The following TRPM2 variants were observed in gnomAD, a reference collection of about 807,000 sequenced individuals.
TRPM2 encodes the protein estrogen-responsive element-associated gene 1 protein.
In TRPM2, 161 loss-of-function variants were observed where a neutral mutation model predicts 174.0. The ratio of observed to expected loss-of-function variants is 0.93; its 90% CI spans 0.81 to 1.05. TRPM2 has a LOEUF of 1.05. Ranked by LOEUF, TRPM2 falls within the 50% of genes least tolerant of loss-of-function variation. The pLI, the probability that TRPM2 is intolerant of heterozygous loss-of-function variation, is 0.00. For synonymous variants in TRPM2, 954 were observed against 861.3 expected (o/e 1.11, Z -1.88); for missense variants, 2,057 against 2,038.0 (o/e 1.01, Z -0.18).
upstream of TRPM2, among the ~76,000 whole-genome samples, chr21:44,351,464 G>A (rs141837809): frequency 2.1e-3 from 316 of 152,352 alleles, 4 homozygotes; most frequent in African/African-American, 7.2e-3. Context: ...CCTGCTTCAT[G>A]CATCTGTCTT....
chr21:44,378,118 A>G (rs1303112679), intron 7 of TRPM2, among the ~76,000 whole-genome samples: 4 of 152,188 alleles, frequency 2.6e-5, no homozygotes, highest in Non-Finnish European at 5.9e-5. Flanking sequence ...TCTGCCCCCA[A>G]GATTCCTCCA....
chr21:44,423,535 T>C (rs1338303433), intron 22 of TRPM2, 110 bp from the exon 23 acceptor site: 2 of 886,794 alleles, frequency 2.3e-6, no homozygotes, highest in Non-Finnish European at 3.6e-6. Flanking sequence ...AAGCAAAGGC[T>C]GACACAGGGC....
In TRPM2 at chr21:44,354,815, C is replaced by A; in HGVS notation, c.254+79C>A. 7.8e-7 allele frequency: 1 copy of A among 1,278,734 alleles called. No individual in the cohort carries two copies. The highest frequency in any genetic ancestry group is 1.7e-5 in the Admixed American group (1 of 59,190). The allele number at this position is 1,278,734 out of a possible 1,614,324, so 79.2% of individuals were successfully genotyped here. On this transcript the variant is annotated intron_variant, in intron 2 of 31. Transcript: ENST00000397928. This position sits in a 1 kb window ranked among gnomAD's most constrained non-coding sequence, Gnocchi z 4.3. Reference sequence around the variant, plus strand: ...ATGGAGTAGCTGATCAGGCCAAGACCCCTCAGGGCCTCAGTGAAGGGTCAC... The same window carrying A: ...ATGGAGTAGCTGATCAGGCCAAGACACCTCAGGGCCTCAGTGAAGGGTCAC...
chr21:44,423,582 G>T, intron 22 of TRPM2, 63 bp from the exon 23 acceptor site: 1 of 1,399,568 alleles, frequency 7.1e-7, no homozygotes. Context: ...TCTGCAGAGC[G>T]GTGTGGCGTT....
chr21:44,407,903 T>TA (rs1449523294), intron 19 of TRPM2, among the ~76,000 whole-genome samples: 1 of 151,554 alleles, frequency 6.6e-6, no homozygotes, highest in African/African-American at 2.4e-5. Context: ...ATTTTTTAAT[T>TA]AAAAAATTTT....
intron 19 of TRPM2, among the ~76,000 whole-genome samples, chr21:44,412,890 A>G (rs1490110951): frequency 6.6e-6 from 1 of 152,116 alleles, no homozygotes; most frequent in Non-Finnish European, 1.5e-5. Flanking sequence ...GAAAATTAGT[A>G]ACACATTCAA....
chr21:44,406,114 G>C, intron 18 of TRPM2, 77 bp downstream of exon 18: 2 of 1,566,294 alleles, frequency 1.3e-6, no homozygotes, highest in Non-Finnish European at 1.7e-6. Context: ...CCCCTTGCCA[G>C]TGGCTCGGAC....
At chr21:44,412,240 G>A (rs2050131652) in intron 19 of TRPM2, among the ~76,000 whole-genome samples, 1 of 152,100 alleles carries the variant, frequency 6.6e-6, no homozygotes, top group Admixed American at 6.6e-5. Flanking sequence ...TTCTTTGTGT[G>A]ATGTTTTTAA....
intron 23 of TRPM2, 47 bp downstream of exon 23, chr21:44,423,779 C>A: frequency 1.3e-6 from 2 of 1,494,512 alleles, no homozygotes. Context: ...ACTGCTGGGC[C>A]TGGTGGGCGG....
At chr21:44,430,553 C>T (rs1423097193) in intron 27 of TRPM2, among the ~76,000 whole-genome samples, 1 of 50,696 alleles carries the variant, frequency 2.0e-5, no homozygotes, top group Non-Finnish European at 4.0e-5. Flanking sequence ...CCTCAGCCTC[C>T]CGAGTAGCTG....
In TRPM2 at chr21:44,440,950, C is replaced by T. The variant is rs45545734; in HGVS notation, c.4386+45C>T. On this transcript the variant is annotated intron_variant, in intron 31 of 31. Coordinates refer to ENST00000397928, the MANE Select transcript of TRPM2 (RefSeq NM_003307.4). Reference sequence around the variant, plus strand: ...GGAGGCGGGAGTGGGGAGGCAGGGACGGGTATGGGCGTGGCCTCCGGGGAG... The same window carrying T: ...GGAGGCGGGAGTGGGGAGGCAGGGATGGGTATGGGCGTGGCCTCCGGGGAG... 2,606 of 1,554,810 alleles carry T rather than the reference C, an allele frequency of 1.7e-3. 28 individuals carry two copies. In the African/African-American group the frequency reaches 0.027, roughly 16 times the overall value.
intron 28 of TRPM2, among the ~76,000 whole-genome samples, chr21:44,436,466 C>T (rs1001430456): frequency 2.6e-5 from 4 of 152,120 alleles, no homozygotes; most frequent in Admixed American, 6.5e-5. Context: ...CTCTCCTTGG[C>T]CTGCCCAGGT....
chr21:44,413,539 G>A (rs1187928663), intron 19 of TRPM2, among the ~76,000 whole-genome samples: 2 of 152,176 alleles, frequency 1.3e-5, no homozygotes, highest in Non-Finnish European at 1.5e-5. Flanking sequence ...CACTGCTCCT[G>A]GCCTTTCCTT....
At chr21:44,378,878 G>C (rs2048787218) in intron 7 of TRPM2, 119 bp from the exon 8 acceptor site, 2 of 1,099,340 alleles carry the variant, frequency 1.8e-6, no homozygotes, top group Non-Finnish European at 2.6e-6. Context: ...GCTTTCAGTG[G>C]ATCTCGGAGT....
At position 44,353,694 on chromosome 21, in the gene TRPM2, T is replaced by A. The variant is rs11701358; in HGVS notation, c.-7T>A. 0.026 allele frequency: 38,370 copies of A among 1,488,276 alleles called. 591 individuals are homozygous for A. Among genetic ancestry groups the A allele is most frequent in the South Asian group, 0.04 (2,982 of 74,786 alleles). 92.2% of individuals were successfully genotyped at this position (1,488,276 alleles called of 1,614,324 possible). On this transcript the variant is annotated 5_prime_UTR_variant, in exon 1 of 32. Transcript: ENST00000397928. The stretch of plus-strand genomic sequence containing the variant: ...GGCCTGGTTGCAGCTGGCGTGGGGG[T>A]CTCAGAATGGAGCCCTCAGCCCTGA...
intron 22 of TRPM2, chr21:44,422,536 T>C: frequency 3.0e-6 from 4 of 1,325,460 alleles, no homozygotes; most frequent in Middle Eastern, 3.8e-4. Context: ...TTAAAGTGGG[T>C]CATATCCCCA....
In TRPM2 at chr21:44,401,769, C is replaced by T. The variant is rs753143209; in HGVS notation, c.2410C>T (p.Leu804Phe). 1.2e-6 allele frequency: 2 copies of T among 1,613,776 alleles called. No individual in the cohort carries two copies. The highest frequency in any genetic ancestry group is 1.7e-5 in the Admixed American group (1 of 60,026). Residue 804 changes from leucine (L) to phenylalanine (F), a missense_variant, in exon 16 of 32, where the codon CTC becomes TTC. Leu to Phe is a conservative substitution (Grantham distance 22). Coordinates refer to ENST00000397928, the MANE Select transcript of TRPM2 (RefSeq NM_003307.4). ...CGTGGTGGTCTTCCACCTGAACATC[C>T]TCTCCTACTTCGCCTTCCTCTGCCT... is the stretch of plus-strand genomic sequence containing the variant. Reference protein sequence around the residue: ...APVVVFHLNILSYFAFLCLFA... With the variant: ...APVVVFHLNIFSYFAFLCLFA...
At chr21:44,397,527 C>G (rs1017973025) in intron 12 of TRPM2, among the ~76,000 whole-genome samples, 3 of 152,144 alleles carry the variant, frequency 2.0e-5, no homozygotes, top group Admixed American at 1.3e-4. Context: ...CAAGCAGACC[C>G]CTCCCACAGG....
At chr21:44,365,565 A>G (rs988253483) in intron 3 of TRPM2, among the ~76,000 whole-genome samples, 2 of 152,138 alleles carry the variant, frequency 1.3e-5, no homozygotes, top group Non-Finnish European at 2.9e-5. Context: ...GGATTGAGGT[A>G]TGGGGAGGCC....
Sources: gnomAD v4.1 joint callset for allele counts (sites outside exome capture counted in the v4.1 genomes callset) on GRCh38, gnomAD v4.1.1 for gene constraint, Gnocchi (gnomAD v3.1) non-coding constraint, MANE v1.5 for transcripts, NCBI Gene and HGNC (gene_info 2026-07-23, HGNC 2026-07-21) for gene names.